PCDHA10: variants seen among roughly 807,000 people sequenced by gnomAD.
PCDHA10 encodes the protein protocadherin alpha-10.
PCDHA10 carries 45 observed loss-of-function variants against 61.2 expected under a neutral mutation model. The observed-to-expected ratio is 0.74, with a 90% CI of 0.58 to 0.94. The LOEUF (loss-of-function observed/expected upper bound fraction) is 0.94, where lower values mean the gene tolerates loss of function less well. Ranked by LOEUF, PCDHA10 falls within the 40% of genes least tolerant of loss-of-function variation. The pLI is 0.00. For synonymous variants in PCDHA10, 602 were observed against 548.8 expected (o/e 1.10, Z -1.35); for missense variants, 1,278 against 1,236.2 (o/e 1.03, Z -0.51).
chr5:140,993,853 A>G (rs1423193144), intron 3 of PCDHA10, among the ~76,000 whole-genome samples: 5 of 152,198 alleles, frequency 3.3e-5, no homozygotes, highest in African/African-American at 7.2e-5. Context: ...GTAGTAGGCT[A>G]TGCCATCTAG....
At chr5:140,967,159 G>A in intron 1 of PCDHA10, 2 of 1,610,752 alleles carry the variant, frequency 1.2e-6, no homozygotes, top group Non-Finnish European at 1.7e-6. Context: ...CCGTGGCGGT[G>A]AGCGCCGTTG....
chr5:140,958,997 A>C (rs1356032687), intron 1 of PCDHA10, among the ~76,000 whole-genome samples: 1 of 152,076 alleles, frequency 6.6e-6, no homozygotes, highest in African/African-American at 2.4e-5. Context: ...CTAATCTTTT[A>C]CTGTACCTAA....
intron 1 of PCDHA10, chr5:140,867,274 C>T (rs2049858759): frequency 6.6e-6 from 1 of 151,960 alleles, no homozygotes; most frequent in Non-Finnish European, 1.5e-5. Flanking sequence ...CAAAATAAAC[C>T]TGATGTGCTT....
chr5:140,875,651 T>A lies in PCDHA10; in HGVS notation c.2388+17215T>A, dbSNP rs782085221. The A allele has an allele frequency of 5.1e-5, 83 of 1,613,604 alleles. 1 individual carries two copies. The South Asian group carries it at 8.5e-4, about 16-fold the overall frequency. On this transcript the variant is annotated intron_variant, in intron 1 of 3. Coordinates refer to ENST00000307360, the MANE Select transcript of PCDHA10 (RefSeq NM_018901.4). Reference sequence around the variant, plus strand: ...CTGGGGCTGGAGCTGGCGGAGCTGGTGCCGCGCCTGTTCCGGGTGGCGTCC... The same window carrying A: ...CTGGGGCTGGAGCTGGCGGAGCTGGAGCCGCGCCTGTTCCGGGTGGCGTCC...
At chr5:140,984,281 C>G (rs574169465) in intron 3 of PCDHA10, among the ~76,000 whole-genome samples, 32 of 152,336 alleles carry the variant, frequency 2.1e-4, no homozygotes, top group African/African-American at 7.5e-4. Context: ...AATACATTCT[C>G]CCTCCCATTG....
chr5:141,009,533 G>T (rs1410740655), intron 3 of PCDHA10, 94 bp from the exon 4 acceptor site: 1 of 1,509,328 alleles, frequency 6.6e-7, no homozygotes, highest in African/African-American at 1.4e-5. Context: ...GGGAGGTTCA[G>T]CCTGCCTATG....
Position 140,929,287 on chromosome 5 carries a change from C to T in PCDHA10, c.2389-49662C>T, listed in dbSNP as rs782325052. On this transcript the variant is annotated intron_variant, in intron 1 of 3. Transcript: ENST00000307360. The stretch of plus-strand genomic sequence containing the variant: ...TTTGCCAATATCCTGTATTCAGATT[C>T]GGAATAGGAAAGGGGATCACGCTAA... 13 of 1,598,668 alleles carry T rather than the reference C, an allele frequency of 8.1e-6. No homozygotes were observed. In the East Asian group the frequency reaches 2.5e-4, roughly 30 times the overall value.
intron 1 of PCDHA10, among the ~76,000 whole-genome samples, chr5:140,978,737 G>A (rs2096820627): frequency 6.6e-6 from 1 of 152,180 alleles, no homozygotes; most frequent in Admixed American, 6.5e-5. Context: ...GGTCTTCCAG[G>A]GTATCTAATC....
intron 3 of PCDHA10, among the ~76,000 whole-genome samples, chr5:141,002,340 TTC>T (rs1554258614): frequency 5.3e-4 from 81 of 152,342 alleles, no homozygotes; most frequent in African/African-American, 1.9e-3. Flanking sequence ...TCCGCACCCC[TTC>T]CCCCACCTCC....
chr5:140,875,938 G>A (rs375005102), intron 1 of PCDHA10: 5 of 1,614,020 alleles, frequency 3.1e-6, no homozygotes, highest in Middle Eastern at 1.6e-4. Flanking sequence ...TCCTCTAGAG[G>A]GCGCTTCTGA....
chr5:141,005,451 C>G (rs1263058026), intron 3 of PCDHA10, among the ~76,000 whole-genome samples: 1 of 151,986 alleles, frequency 6.6e-6, no homozygotes, highest in Non-Finnish European at 1.5e-5. Flanking sequence ...CGCCTGTAAT[C>G]CCAGCACTTT....
At chr5:140,870,587 A>T (rs1185262788) in intron 1 of PCDHA10, 2 of 1,613,660 alleles carry the variant, frequency 1.2e-6, no homozygotes, top group East Asian at 2.2e-5. Flanking sequence ...TCGCTGGTGG[A>T]GCGGCGGTTG....
In PCDHA10 at chr5:140,987,075, G is replaced by A. The variant is rs564788093; in HGVS notation, c.2536+4512G>A. On this transcript the variant is annotated intron_variant, in intron 3 of 3. Coordinates refer to ENST00000307360, the MANE Select transcript of PCDHA10 (RefSeq NM_018901.4). ...CTAAAGTTACAAAAATGAGCTGGGC[G>A]TGGTGGCAGGTGCCTGTAATCCCAG... is the stretch of plus-strand genomic sequence containing the variant. Among the ~76,000 whole-genome samples the A allele has an allele frequency of 3.7e-4, 57 of 152,124 alleles. No individual in the cohort carries two copies. In the East Asian group the frequency reaches 9.9e-3, roughly 26 times the overall value.
intron 1 of PCDHA10, among the ~76,000 whole-genome samples, chr5:140,960,353 A>T (rs1197291282): frequency 6.6e-6 from 1 of 152,214 alleles, no homozygotes; most frequent in African/African-American, 2.4e-5. Context: ...ATATGTACTG[A>T]AATAATATGC....
At chr5:140,980,447 C>T (rs952861849) in intron 2 of PCDHA10, among the ~76,000 whole-genome samples, 4 of 152,036 alleles carry the variant, frequency 2.6e-5, no homozygotes, top group Admixed American at 6.6e-5. Context: ...CTGGACAACA[C>T]GGTGAAACCC....
intron 1 of PCDHA10, among the ~76,000 whole-genome samples, chr5:140,908,977 A>T (rs1461491727): frequency 6.6e-6 from 1 of 152,168 alleles, no homozygotes; most frequent in Non-Finnish European, 1.5e-5. Context: ...GCCCCACTCC[A>T]CTGGACCCCT....
intron 1 of PCDHA10, chr5:140,877,580 C>T (rs559831598): frequency 2.5e-6 from 4 of 1,613,804 alleles, no homozygotes; most frequent in African/African-American, 1.3e-5. Context: ...CTCATCATCG[C>T]CATCTGTGCG....
At chr5:140,863,093 C>T (rs1204907629) in intron 1 of PCDHA10, 2 of 576,488 alleles carry the variant, frequency 3.5e-6, no homozygotes, top group Middle Eastern at 2.9e-4. Flanking sequence ...ATCAGCACGA[C>T]GAGTACCCTG....
intron 1 of PCDHA10, chr5:140,884,259 C>T (rs1554181391): frequency 1.9e-6 from 3 of 1,613,378 alleles, no homozygotes; most frequent in Admixed American, 1.7e-5. Flanking sequence ...GCCACGGCAA[C>T]GGTGCTGTTG....
Sources: gnomAD v4.1 joint callset for allele counts (sites outside exome capture counted in the v4.1 genomes callset) on GRCh38, gnomAD v4.1.1 for gene constraint, MANE v1.5 for transcripts, NCBI Gene and HGNC (gene_info 2026-07-23, HGNC 2026-07-21) for gene names.